OLFM3: variants seen among roughly 807,000 people sequenced by gnomAD.
OLFM3 encodes noelin-3.
OLFM3 carries 20 observed loss-of-function variants against 48.6 expected under a neutral mutation model. The observed-to-expected ratio is 0.41, with a 90% CI of 0.29 to 0.60. The LOEUF is 0.60. Ranked by LOEUF, OLFM3 falls within the 20% of genes least tolerant of loss-of-function variation. The probability of loss-of-function intolerance (pLI) is 0.28; values close to 1 mark genes in which losing one functional copy is unlikely to be tolerated. For synonymous variants in OLFM3, 222 were observed against 198.1 expected, an observed-to-expected ratio of 1.12 and a Z score of -1.01; for missense variants, 437 against 544.3, an observed-to-expected ratio of 0.80 and a Z score of 1.96.
intron 1 of OLFM3, among the ~76,000 whole-genome samples, chr1:101,921,104 A>G (rs1268984277): frequency 3.3e-5 from 5 of 152,098 alleles, no homozygotes; most frequent in African/African-American, 1.2e-4. Context: ...TGGAAAATGT[A>G]ATAGTTAATA....
intron 1 of OLFM3, among the ~76,000 whole-genome samples, chr1:101,852,239 A>G (rs1656250264): frequency 6.6e-6 from 1 of 151,990 alleles, no homozygotes; most frequent in African/African-American, 2.4e-5. Context: ...AATTGTTTAT[A>G]CTTACCATCT....
chr1:101,991,016 A>ATATATATAT (rs1314208685), intron 1 of OLFM3, among the ~76,000 whole-genome samples: 6 of 32,216 alleles, frequency 1.9e-4, no homozygotes, highest in African/African-American at 3.4e-4. Flanking sequence ...AAAAAAAAAA[A>ATATATATAT]ATATATATAT....
Position 101,825,225 on chromosome 1 carries a change from G to A in OLFM3, c.393C>T (p.Asp131=), listed in dbSNP as rs201734752. The A allele has an allele frequency of 7.9e-5, 128 of 1,613,672 alleles. No homozygotes were observed. Among genetic ancestry groups the A allele is most frequent in the East Asian group, 2.0e-4 (9 of 44,854 alleles). The change falls in exon 4 of 6, where the codon GAC becomes GAT. Residue 131 remains aspartate, a synonymous_variant. Coordinates refer to ENST00000370103, the MANE Select transcript of OLFM3 (RefSeq NM_058170.4). The stretch of plus-strand genomic sequence containing the variant: ...GCACGGGGATCAAAGGCAGGAGCTC[G>A]TCCATTTTCTCTTTCAACTCCTGTG... ...KHFQELKEKM[D]ELLPLIPVLE... is the part of the protein sequence containing the mutation.
chr1:101,806,835 A>G (rs1458357364), intron 4 of OLFM3, among the ~76,000 whole-genome samples: 1 of 151,828 alleles, frequency 6.6e-6, no homozygotes, highest in Non-Finnish European at 1.5e-5. Context: ...CTGAAGTCAC[A>G]TACAGATGAA....
intron 1 of OLFM3, among the ~76,000 whole-genome samples, chr1:101,913,849 G>T (rs1256772734): frequency 6.6e-6 from 1 of 152,042 alleles, no homozygotes; most frequent in African/African-American, 2.4e-5. Flanking sequence ...TTCAGAAGAA[G>T]AAATAGATTA....
intron 1 of OLFM3, among the ~76,000 whole-genome samples, chr1:101,884,529 C>T (rs1257803096): frequency 6.6e-6 from 1 of 151,578 alleles, no homozygotes; most frequent in Admixed American, 6.6e-5. Flanking sequence ...AAAAATGCCA[C>T]AAGGGACATT....
chr1:101,944,633 A>G (rs1659898090), intron 1 of OLFM3, among the ~76,000 whole-genome samples: 2 of 152,134 alleles, frequency 1.3e-5, no homozygotes, highest in South Asian at 4.1e-4. Context: ...TAATCCCAGC[A>G]CTTTGGGAGT....
chr1:101,990,260 AGCT>A (rs1158261318), intron 1 of OLFM3, among the ~76,000 whole-genome samples: 1 of 152,184 alleles, frequency 6.6e-6, no homozygotes, highest in African/African-American at 2.4e-5. Context: ...GGTTTTGAGA[AGCT>A]ATGCTGATAA....
intron 4 of OLFM3, among the ~76,000 whole-genome samples, chr1:101,815,773 C>T (rs755020686): frequency 2.6e-4 from 40 of 152,110 alleles, no homozygotes; most frequent in South Asian, 2.1e-4. Context: ...GACTATTACA[C>T]GTATCAGTAG....
At chr1:101,830,015 T>G (rs1039610897) in intron 3 of OLFM3, among the ~76,000 whole-genome samples, 62 of 152,094 alleles carry the variant, frequency 4.1e-4, no homozygotes, top group African/African-American at 1.5e-3. Context: ...TTTTTTTGTA[T>G]TTTTAGTAGA....
At chr1:101,909,855 G>A (rs1333225656) in intron 1 of OLFM3, among the ~76,000 whole-genome samples, 1 of 152,096 alleles carries the variant, frequency 6.6e-6, no homozygotes, top group Non-Finnish European at 1.5e-5. Context: ...GTAATTAAAA[G>A]GGTGTATACT....
intron 1 of OLFM3, among the ~76,000 whole-genome samples, chr1:101,864,926 AAAC>A (rs1281250969): frequency 6.6e-6 from 1 of 152,188 alleles, no homozygotes; most frequent in Non-Finnish European, 1.5e-5. Flanking sequence ...AGGCCCATAA[AAAC>A]AGTTTCTCAG....
At chr1:101,919,267 C>G (rs1319654406) in intron 1 of OLFM3, among the ~76,000 whole-genome samples, 2 of 152,168 alleles carry the variant, frequency 1.3e-5, no homozygotes, top group Non-Finnish European at 1.5e-5. Context: ...CCTCTATTAT[C>G]CCATTTCTCT....
chr1:101,964,716 T>C (rs1660561845), intron 1 of OLFM3, among the ~76,000 whole-genome samples: 1 of 152,216 alleles, frequency 6.6e-6, no homozygotes, highest in African/African-American at 2.4e-5. Flanking sequence ...TGCAAGTAGA[T>C]TCTTTCAACA....
intron 1 of OLFM3, among the ~76,000 whole-genome samples, chr1:101,842,180 G>A (rs1442351256): frequency 6.6e-6 from 1 of 151,936 alleles, no homozygotes; most frequent in Non-Finnish European, 1.5e-5. Context: ...CAGGCTTTAA[G>A]AAAAAACAAC....
At chr1:101,819,827 G>A (rs1406903266) in intron 4 of OLFM3, among the ~76,000 whole-genome samples, 1 of 152,054 alleles carries the variant, frequency 6.6e-6, no homozygotes, top group Admixed American at 6.6e-5. Context: ...TCTTTGGCAA[G>A]TTAATTTAAA....
At chr1:101,919,720 A>C (rs1229775051) in intron 1 of OLFM3, among the ~76,000 whole-genome samples, 1 of 152,014 alleles carries the variant, frequency 6.6e-6, no homozygotes, top group Non-Finnish European at 1.5e-5. Flanking sequence ...GGATTTTACT[A>C]TTATTTGCAT....
rs560023386 is a variant in OLFM3 at position 101,805,060 on chromosome 1, A to G, written c.700-145T>C. 39 of 636,386 alleles carry G rather than the reference A, an allele frequency of 6.1e-5. 1 individual carries two copies. The highest frequency in any genetic ancestry group is 5.5e-4 in the South Asian group (27 of 49,450). 39.4% of individuals were successfully genotyped at this position (636,386 alleles called of 1,614,324 possible). On this transcript the variant is annotated intron_variant, in intron 5 of 5. Transcript: ENST00000370103. The stretch of plus-strand genomic sequence containing the variant: ...TCTTACTGCTGACCTGCCGCAATGT[A>G]TTTCAGGCTTTTGTAAAAATATTGC...
intron 1 of OLFM3, among the ~76,000 whole-genome samples, chr1:101,860,451 T>C (rs1425182633): frequency 2.6e-5 from 4 of 152,062 alleles, no homozygotes; most frequent in Non-Finnish European, 5.9e-5. Context: ...TCCACAATCA[T>C]GAAGAGATAT....
Sources: allele counts gnomAD v4.1 joint callset (sites outside exome capture counted in the v4.1 genomes callset), GRCh38; gene constraint gnomAD v4.1.1; transcripts MANE v1.5; gene names NCBI Gene and HGNC (gene_info 2026-07-23, HGNC 2026-07-21).